Variants in THSD4 observed in about 807,000 individuals in gnomAD.
The protein encoded by THSD4 is thrombospondin type 1 domain containing 4, also known as thrombospondin type-1 domain-containing protein 4.
Under a neutral mutation model 119.0 loss-of-function variants are expected in THSD4, and 69 were observed. That is an observed-to-expected ratio of 0.58 (90% CI 0.48 to 0.71). THSD4 has a LOEUF of 0.71. Ranked by LOEUF, THSD4 falls within the 30% of genes least tolerant of loss-of-function variation. The pLI, the probability that THSD4 is intolerant of heterozygous loss-of-function variation, is 0.00. For missense variants in THSD4, 1,393 were observed against 1,391.1 expected (o/e 1.00, Z -0.02); for synonymous variants, 524 against 540.4 (o/e 0.97, Z 0.42).
rs142690762 is a variant in THSD4 at position 71,543,552 on chromosome 15, A to G, written c.1153-116978A>G. ...TTGTCAGCCCCTGGGAATTATATGG[A>G]TAATGATGTCATTTACTGAGATGGA... On this transcript the variant is annotated intron_variant, in intron 7 of 17. Coordinates refer to ENST00000261862, the MANE Select transcript of THSD4 (RefSeq NM_024817.3). 5.1e-3 allele frequency among the ~76,000 whole-genome samples: 773 copies of G among 152,304 alleles called. 8 individuals carry two copies. The highest frequency in any genetic ancestry group is 0.018 in the African/African-American group (750 of 41,560).
Position 71,141,561 on chromosome 15 carries a change from G to A in THSD4, c.29+5G>A. ...CCATTTCATGGGGTCTCTCAGGTAAGTGAAGAAACTTTTTTTAAAAAAACA... is the reference window on the plus strand; with the variant it reads ...CCATTTCATGGGGTCTCTCAGGTAAATGAAGAAACTTTTTTTAAAAAAACA... On this transcript the variant is annotated splice_donor_5th_base_variant and intron_variant, in intron 2 of 17. Coordinates refer to ENST00000261862, the MANE Select transcript of THSD4 (RefSeq NM_024817.3). 3 of 1,607,790 alleles carry A rather than the reference G, an allele frequency of 1.9e-6. No homozygotes were observed. The highest frequency in any genetic ancestry group is 2.5e-6 in the Non-Finnish European group (3 of 1,177,522).
At chr15:71,762,176 C>CAG (rs958529757) in intron 15 of THSD4, among the ~76,000 whole-genome samples, 5 of 136,018 alleles carry the variant, frequency 3.7e-5, no homozygotes, top group East Asian at 2.1e-4. Flanking sequence ...CACACACACA[C>CAG]ACAGAGATAG....
chr15:71,773,953 A>G (rs1030021698), intron 17 of THSD4, among the ~76,000 whole-genome samples: 6 of 152,198 alleles, frequency 3.9e-5, no homozygotes, highest in African/African-American at 1.4e-4. Flanking sequence ...CAATATAGAC[A>G]GAACTCACTC....
intron 6 of THSD4, 151 bp from the exon 7 acceptor site, chr15:71,411,536 T>C (rs776505541): frequency 5.3e-6 from 4 of 751,218 alleles, no homozygotes; most frequent in Non-Finnish European, 8.3e-6. Flanking sequence ...CGAAGACTTA[T>C]TGAACTGTAT....
chr15:71,705,494 G>A (rs927455977), intron 8 of THSD4, among the ~76,000 whole-genome samples: 4 of 152,114 alleles, frequency 2.6e-5, no homozygotes, highest in African/African-American at 9.7e-5. Context: ...CCATGCACAG[G>A]AGTTCCATCA....
At chr15:71,538,029 G>A (rs570424859) in intron 7 of THSD4, among the ~76,000 whole-genome samples, 15 of 151,714 alleles carry the variant, frequency 9.9e-5, no homozygotes, top group African/African-American at 3.6e-4. Flanking sequence ...CAAAGTGCTG[G>A]GATTACAGAC....
At chr15:71,452,481 T>C (rs988681147) in intron 7 of THSD4, among the ~76,000 whole-genome samples, 9 of 149,510 alleles carry the variant, frequency 6.0e-5, no homozygotes, top group Non-Finnish European at 1.3e-4. Context: ...CTCAAAGGGA[T>C]TAACCCTTGT....
intron 5 of THSD4, 30 bp downstream of exon 5, chr15:71,243,126 G>C: frequency 6.4e-7 from 1 of 1,572,572 alleles, no homozygotes; most frequent in Non-Finnish European, 8.6e-7. Flanking sequence ...ACCGGGCCTG[G>C]AAACAGCTGC....
chr15:71,270,754 A>C (rs949478571), intron 6 of THSD4, among the ~76,000 whole-genome samples: 2 of 152,114 alleles, frequency 1.3e-5, no homozygotes, highest in African/African-American at 4.8e-5. Context: ...CAAGGGAAAT[A>C]ACTGAGAAAA....
intron 6 of THSD4, among the ~76,000 whole-genome samples, chr15:71,334,643 G>A (rs1338962771): frequency 6.6e-6 from 1 of 152,226 alleles, no homozygotes; most frequent in Non-Finnish European, 1.5e-5. Context: ...GCGGCCAAAT[G>A]CCAGCCCATC....
intron 10 of THSD4, among the ~76,000 whole-genome samples, chr15:71,735,370 A>G (rs996186615): frequency 6.6e-6 from 1 of 151,930 alleles, no homozygotes; most frequent in Non-Finnish European, 1.5e-5. Flanking sequence ...TGGTACACCT[A>G]AGGATCCATG....
chr15:71,744,869 G>A (rs1011923661), intron 11 of THSD4, among the ~76,000 whole-genome samples: 2 of 152,120 alleles, frequency 1.3e-5, no homozygotes, highest in Non-Finnish European at 2.9e-5. Context: ...ATAGATTATT[G>A]ATTCCTTTTA....
At position 71,130,468 on chromosome 15, in the gene THSD4, G is replaced by A. The variant is rs1005636272; in HGVS notation, c.-79-10981G>A. Among the ~76,000 whole-genome samples the A allele has an allele frequency of 1.3e-5, 2 of 152,116 alleles. 1 individual carries two copies. The highest frequency in any genetic ancestry group is 4.8e-5 in the African/African-American group (2 of 41,420). On this transcript the variant is annotated intron_variant, in intron 1 of 17. Transcript: ENST00000261862. Reference sequence around the variant, plus strand: ...CCCGAAGTGCTGGGATTACAGGCATGAGCCACTGCGCCCGGCCCTGAGAGG... The same window carrying A: ...CCCGAAGTGCTGGGATTACAGGCATAAGCCACTGCGCCCGGCCCTGAGAGG...
At chr15:71,727,556 AT>A (rs2052876194) in intron 8 of THSD4, among the ~76,000 whole-genome samples, 2 of 121,868 alleles carry the variant, frequency 1.6e-5, no homozygotes, top group Admixed American at 1.6e-4. Flanking sequence ...AAAAAAAAAT[AT>A]ATATATATAT....
At chr15:71,380,826 T>G (rs973877519) in intron 6 of THSD4, among the ~76,000 whole-genome samples, 2 of 152,158 alleles carry the variant, frequency 1.3e-5, no homozygotes, top group African/African-American at 4.8e-5. Context: ...CACCCACCAC[T>G]TAGGATGCCT....
At chr15:71,749,545 A>G (rs1344144462) in intron 14 of THSD4, among the ~76,000 whole-genome samples, 1 of 152,136 alleles carries the variant, frequency 6.6e-6, no homozygotes, top group African/African-American at 2.4e-5. Context: ...CGGATACACT[A>G]GTTCTGCCCC....
At chr15:71,775,287 A>G (rs2053893512) in intron 17 of THSD4, among the ~76,000 whole-genome samples, 1 of 152,272 alleles carries the variant, frequency 6.6e-6, no homozygotes, top group African/African-American at 2.4e-5. Flanking sequence ...TTATCTAAAT[A>G]TATTTATGAG....
intron 7 of THSD4, among the ~76,000 whole-genome samples, chr15:71,587,787 T>TAAAAAAAAAAAAAAAAA (rs1207231444): frequency 4.7e-5 from 5 of 105,562 alleles, no homozygotes; most frequent in African/African-American, 7.2e-5. Flanking sequence ...AAAAAAAAAT[T>TAAAAAAAAAAAAAAAAA]AAAAAAAAAA....
At position 71,410,425 on chromosome 15, in the gene THSD4, C is replaced by T. The variant is rs529430718; in HGVS notation, c.1016-1262C>T. On this transcript the variant is annotated intron_variant, in intron 6 of 17. Coordinates refer to ENST00000261862, the MANE Select transcript of THSD4 (RefSeq NM_024817.3). ...TGAGGAGGTGACCTGGAAATGCAAG[C>T]GAAGTACAAATGCAGGCCAGCCAAG... Among the ~76,000 whole-genome samples, 6 of 152,100 alleles carry T rather than the reference C, an allele frequency of 3.9e-5. No homozygotes were observed. The South Asian group carries it at 1.2e-3, about 32-fold the overall frequency.
Sources: allele counts gnomAD v4.1 joint callset (sites outside exome capture counted in the v4.1 genomes callset), GRCh38; gene constraint gnomAD v4.1.1; transcripts MANE v1.5; gene names NCBI Gene and HGNC (gene_info 2026-07-23, HGNC 2026-07-21).